Variants in RBFOX1 observed in about 807,000 individuals in gnomAD.
RBFOX1 encodes RNA binding fox-1 homolog 1, also known as RNA binding protein fox-1 homolog 1.
A neutral mutation model predicts 57.7 loss-of-function variants in RBFOX1; 8 were observed. The observed-to-expected ratio is 0.14, with a 90% confidence interval of 0.08 to 0.25. RBFOX1 has a LOEUF of 0.25. Among genes scored for constraint, RBFOX1 ranks in the 10% least tolerant of loss-of-function variants. The pLI, the probability that RBFOX1 is intolerant of heterozygous loss-of-function variation, is 1.00. For missense variants in RBFOX1, 611 were observed against 548.5 expected (o/e 1.11, Z -1.14); for synonymous variants, 326 against 222.4 (o/e 1.47, Z -4.15).
chr16:5,291,145 C>A (rs1470044855), intron 1 of RBFOX1, among the ~76,000 whole-genome samples: 1 of 152,144 alleles, frequency 6.6e-6, no homozygotes, highest in Non-Finnish European at 1.5e-5. Flanking sequence ...GTGGTCCCAC[C>A]TTGGGCATCC....
At chr16:6,185,998 G>A (rs1437641026) in intron 1 of RBFOX1, among the ~76,000 whole-genome samples, 4 of 152,150 alleles carry the variant, frequency 2.6e-5, no homozygotes, top group African/African-American at 9.7e-5. Flanking sequence ...ATCTTGTACT[G>A]CTGTGGCATT....
chr16:5,977,480 C>T (rs772362369), intron 4 of RBFOX1, among the ~76,000 whole-genome samples: 2 of 152,136 alleles, frequency 1.3e-5, no homozygotes, highest in African/African-American at 2.4e-5. Flanking sequence ...TGGAGAGACA[C>T]GTACTTGGGG....
chr16:5,856,597 AT>A lies in RBFOX1; in HGVS notation c.319-10705del, dbSNP rs1267971208. Among the ~76,000 whole-genome samples, 63 of 105,386 alleles carry A rather than the reference AT, an allele frequency of 6.0e-4. 9 individuals are homozygous for A. Among genetic ancestry groups the A allele is most frequent in the East Asian group, 4.4e-3 (15 of 3,396 alleles). The allele number at this position is 105,386 out of a possible 152,430, so 69.1% of individuals were successfully genotyped here. On this transcript the variant is annotated intron_variant, in intron 3 of 19. Coordinates refer to the RBFOX1 transcript ENST00000641259. Reference sequence around the variant, plus strand: ...TGTGTATATATATATATATATATATATATATATAATCTTAGCCAGATCTTCT... The same window carrying A: ...TGTGTATATATATATATATATATATAATATATAATCTTAGCCAGATCTTCT...
At chr16:7,158,620 T>C (rs1257549154) in intron 4 of RBFOX1, among the ~76,000 whole-genome samples, 2 of 152,066 alleles carry the variant, frequency 1.3e-5, no homozygotes, top group African/African-American at 2.4e-5. Flanking sequence ...GTTTGTATGA[T>C]GTGTCTGCAT....
At chr16:5,545,659 TAAA>T (rs569218529) in intron 2 of RBFOX1, among the ~76,000 whole-genome samples, 2 of 151,198 alleles carry the variant, frequency 1.3e-5, no homozygotes, top group African/African-American at 4.8e-5. Context: ...TATTCTCAAT[TAAA>T]AAAAAACCCC....
At chr16:7,197,243 A>G in intron 4 of RBFOX1, among the ~76,000 whole-genome samples, 1 of 152,122 alleles carries the variant, frequency 6.6e-6, no homozygotes, top group East Asian at 1.9e-4. Context: ...GGATGAAGAA[A>G]ATGAATAAGG....
intron 4 of RBFOX1, among the ~76,000 whole-genome samples, chr16:7,188,429 C>G (rs890517585): frequency 2.0e-5 from 3 of 152,114 alleles, no homozygotes; most frequent in Non-Finnish European, 2.9e-5. Flanking sequence ...TTTCAAAATG[C>G]TATTTAGAGG....
At chr16:7,155,248 T>C (rs2076850975) in intron 4 of RBFOX1, among the ~76,000 whole-genome samples, 1 of 152,094 alleles carries the variant, frequency 6.6e-6, no homozygotes, top group South Asian at 2.1e-4. Context: ...GTGAACTTCA[T>C]ATCATCACCT....
At chr16:7,430,847 A>T (rs2098672420) in intron 4 of RBFOX1, among the ~76,000 whole-genome samples, 1 of 152,198 alleles carries the variant, frequency 6.6e-6, no homozygotes, top group Non-Finnish European at 1.5e-5. Context: ...TATTCATAGG[A>T]AGGGGGCTTG....
intron 1 of RBFOX1, among the ~76,000 whole-genome samples, chr16:6,238,049 C>G (rs1197334935): frequency 6.8e-6 from 1 of 147,380 alleles, no homozygotes; most frequent in Non-Finnish European, 1.5e-5. Context: ...TGAAATCGCG[C>G]CACTGTACTC....
intron 4 of RBFOX1, among the ~76,000 whole-genome samples, chr16:7,199,692 A>C (rs1394220822): frequency 6.6e-6 from 1 of 152,158 alleles, no homozygotes. Flanking sequence ...TCAGGAGTTC[A>C]AGATCTGCCT....
chr16:7,611,625 T>G (rs2057485986), intron 10 of RBFOX1, among the ~76,000 whole-genome samples: 1 of 152,032 alleles, frequency 6.6e-6, no homozygotes, highest in African/African-American at 2.4e-5. Flanking sequence ...ATGTAATGTT[T>G]TGACTCCCCG....
chr16:6,572,021 A>T (rs904096482), intron 2 of RBFOX1, among the ~76,000 whole-genome samples: 1 of 152,168 alleles, frequency 6.6e-6, no homozygotes, highest in African/African-American at 2.4e-5. Flanking sequence ...CATGGCCTGT[A>T]TAAGTATACA....
intron 1 of RBFOX1, among the ~76,000 whole-genome samples, chr16:6,137,061 A>G (rs530644931): frequency 1.3e-5 from 2 of 152,334 alleles, no homozygotes; most frequent in Non-Finnish European, 2.9e-5. Context: ...AGACGTTTTC[A>G]AGAATCTAAT....
chr16:6,260,015 C>T (rs1316034239), intron 1 of RBFOX1, among the ~76,000 whole-genome samples: 2 of 151,418 alleles, frequency 1.3e-5, no homozygotes, highest in Non-Finnish European at 2.9e-5. Context: ...CAAATCTCTG[C>T]ACATGGCCCT....
intron 4 of RBFOX1, among the ~76,000 whole-genome samples, chr16:7,127,527 A>G (rs1363605521): frequency 1.3e-5 from 2 of 152,154 alleles, no homozygotes; most frequent in African/African-American, 2.4e-5. Flanking sequence ...GTCTTTTGGT[A>G]TATGGTGTGT....
intron 3 of RBFOX1, among the ~76,000 whole-genome samples, chr16:5,834,417 G>A (rs1486983222): frequency 1.3e-5 from 2 of 152,110 alleles, no homozygotes; most frequent in African/African-American, 4.8e-5. Context: ...CCAAGTTGAT[G>A]CAAAAGATAG....
chr16:5,449,429 G>T (rs927001093), intron 1 of RBFOX1, among the ~76,000 whole-genome samples: 3 of 152,072 alleles, frequency 2.0e-5, no homozygotes, highest in African/African-American at 7.2e-5. Context: ...TATGTATATT[G>T]TCATGATTCT....
chr16:5,375,385 G>A (rs2065959399), intron 1 of RBFOX1, among the ~76,000 whole-genome samples: 1 of 152,190 alleles, frequency 6.6e-6, no homozygotes, highest in Non-Finnish European at 1.5e-5. Context: ...CAAGGGGCAT[G>A]GAGACTGAAT....
Sources: gnomAD v4.1 joint callset for allele counts (sites outside exome capture counted in the v4.1 genomes callset) on GRCh38, gnomAD v4.1.1 for gene constraint, MANE v1.5 for transcripts, NCBI Gene and HGNC (gene_info 2026-07-23, HGNC 2026-07-21) for gene names.